Variants in TRAF5 observed in about 807,000 individuals in gnomAD.
The protein encoded by TRAF5 is TNF receptor associated factor 5, also known as TNF receptor-associated factor 5.
In TRAF5, 48 loss-of-function variants were observed where a neutral mutation model predicts 64.5. The observed-to-expected ratio is 0.74, with a 90% CI of 0.59 to 0.95. TRAF5 has a LOEUF of 0.95. Ranked by LOEUF, TRAF5 falls within the 40% of genes least tolerant of loss-of-function variation. The pLI is 0.00. For missense variants in TRAF5, 545 were observed against 662.8 expected, an observed-to-expected ratio of 0.82 and a Z score of 1.95; for synonymous variants, 206 against 240.5, an observed-to-expected ratio of 0.86 and a Z score of 1.33.
chr1:211,345,076 GCCCA>G (rs1702561504), intron 1 of TRAF5, among the ~76,000 whole-genome samples: 1 of 152,136 alleles, frequency 6.6e-6, no homozygotes, highest in Non-Finnish European at 1.5e-5. Flanking sequence ...GCGCCACCAT[GCCCA>G]GCTAATTTGT....
intron 2 of TRAF5, among the ~76,000 whole-genome samples, chr1:211,353,912 T>C (rs915704041): frequency 6.6e-6 from 1 of 152,176 alleles, no homozygotes; most frequent in South Asian, 2.1e-4. Flanking sequence ...CCAGGAGAGA[T>C]GTGGAAGCAG....
chr1:211,352,795 C>T (rs947122072), intron 1 of TRAF5, among the ~76,000 whole-genome samples: 1 of 152,088 alleles, frequency 6.6e-6, no homozygotes, highest in Non-Finnish European at 1.5e-5. Context: ...TCTGTGCTTC[C>T]AAGATGGTGA....
chr1:211,353,313 T>C lies in TRAF5; in HGVS notation c.74T>C (p.Leu25Ser). The C allele has an allele frequency of 6.2e-7, 1 of 1,614,246 alleles. No individual in the cohort carries two copies. Among genetic ancestry groups the C allele is most frequent in the South Asian group, 1.1e-5 (1 of 91,084 alleles). Residue 25 changes from leucine to serine, a missense_variant, in exon 2 of 11, where the codon TTG becomes TCG. Transcript: ENST00000261464. The stretch of plus-strand genomic sequence containing the variant: ...CAGAATTCCGGCAACTCCATTTCCT[T>C]GGACTTTGAGCCCAGTATAGAGTAC... ...IRQNSGNSISLDFEPSIEYQF... is the reference protein window; with the variant it reads ...IRQNSGNSISSDFEPSIEYQF...
intron 1 of TRAF5, among the ~76,000 whole-genome samples, chr1:211,351,251 C>T (rs1016163190): frequency 6.6e-6 from 1 of 152,016 alleles, no homozygotes; most frequent in Non-Finnish European, 1.5e-5. Context: ...TGGTCTCTAT[C>T]TCCTGACCTC....
At chr1:211,343,685 G>A (rs1177431941) in intron 1 of TRAF5, among the ~76,000 whole-genome samples, 1 of 152,114 alleles carries the variant, frequency 6.6e-6, no homozygotes, top group Non-Finnish European at 1.5e-5. Flanking sequence ...TCCAGCCTTA[G>A]GCTCCATTCA....
intron 1 of TRAF5, among the ~76,000 whole-genome samples, chr1:211,345,623 T>G (rs1046479046): frequency 7.9e-5 from 12 of 152,336 alleles, no homozygotes; most frequent in African/African-American, 2.2e-4. Context: ...TGGGTGGGTT[T>G]GGGGAATAAC....
chr1:211,327,083 C>A (rs181451167), intron 1 of TRAF5, among the ~76,000 whole-genome samples, 194 bp downstream of exon 1: 2,408 of 152,064 alleles, frequency 0.016, 54 homozygotes, highest in African/African-American at 0.055. Flanking sequence ...CCCGGGCTTG[C>A]GGGAGACCGG....
intron 1 of TRAF5, among the ~76,000 whole-genome samples, chr1:211,328,345 T>C (rs552459007): frequency 5.3e-5 from 8 of 152,356 alleles, no homozygotes; most frequent in Non-Finnish European, 8.8e-5. Flanking sequence ...GTTGTAACTC[T>C]ATGGAATGGA....
At chr1:211,365,531 A>C in intron 8 of TRAF5, 63 bp downstream of exon 8, 1 of 1,300,414 alleles carries the variant, frequency 7.7e-7, no homozygotes, top group Non-Finnish European at 1.1e-6. Flanking sequence ...TACCTGCTCT[A>C]TGCTGGTATT....
chr1:211,343,419 G>A (rs1475730664), intron 1 of TRAF5, among the ~76,000 whole-genome samples: 1 of 151,968 alleles, frequency 6.6e-6, no homozygotes, highest in East Asian at 1.9e-4. Flanking sequence ...AAAAAAAGGG[G>A]AATAATGATA....
In TRAF5 at chr1:211,372,616, T is replaced by C; in HGVS notation, c.1588T>C (p.Leu530=). 6.2e-7 allele frequency: 1 copy of C among 1,614,142 alleles called. No individual in the cohort carries two copies. Among genetic ancestry groups the C allele is most frequent in the East Asian group, 2.2e-5 (1 of 44,882 alleles). The part of the protein sequence containing the change: ...GCPRFVAHSV[L]ENAKNAYIKD... ...TCCCCGCTTTGTGGCTCATTCTGTT[T>C]TGGAGAATGCCAAGAACGCCTACAT... The change falls in exon 11 of 11, where the codon TTG becomes CTG. Residue 530 remains leucine (L), a synonymous_variant. Coordinates refer to ENST00000261464, the MANE Select transcript of TRAF5 (RefSeq NM_001033910.3).
In TRAF5 at chr1:211,369,577, C is replaced by T. The variant is rs978131073; in HGVS notation, c.915C>T (p.Phe305=). Residue 305 remains phenylalanine, a synonymous_variant, in exon 9 of 11, where the codon TTC becomes TTT. Coordinates refer to ENST00000261464, the MANE Select transcript of TRAF5 (RefSeq NM_001033910.3). ...FAQLFGKNGS[F]LPNIQVFASH... Reference sequence around the variant, plus strand: ...AGTTGTTTGGCAAAAATGGAAGCTTCCTCCCAAACATCCAGGTAAGAAATG... The same window carrying T: ...AGTTGTTTGGCAAAAATGGAAGCTTTCTCCCAAACATCCAGGTAAGAAATG... 5 of 1,590,690 alleles carry T rather than the reference C, an allele frequency of 3.1e-6. No individual in the cohort carries two copies. The highest frequency in any genetic ancestry group is 4.3e-6 in the Non-Finnish European group (5 of 1,171,570).
rs569906652 is a variant in TRAF5 at position 211,340,417 on chromosome 1, T to C, written c.-1-12822T>C. 1.6e-4 allele frequency among the ~76,000 whole-genome samples: 24 copies of C among 152,314 alleles called. No individual in the cohort carries two copies. In the South Asian group the frequency reaches 4.4e-3, roughly 28 times the overall value. On this transcript the variant is annotated intron_variant, in intron 1 of 10. Coordinates refer to ENST00000261464, the MANE Select transcript of TRAF5 (RefSeq NM_001033910.3). ...CTCCTGCCTCAGCCTCCCGAGTAGC[T>C]GGGATTACAGGTGTGCACCACCACG...
chr1:211,347,107 C>T (rs1029627336), intron 1 of TRAF5, among the ~76,000 whole-genome samples: 2 of 151,760 alleles, frequency 1.3e-5, no homozygotes, highest in Non-Finnish European at 2.9e-5. Flanking sequence ...TTTTTCCTGA[C>T]TTGCAAGAAC....
chr1:211,348,878 G>T (rs868672376), intron 1 of TRAF5, among the ~76,000 whole-genome samples: 2 of 151,776 alleles, frequency 1.3e-5, no homozygotes, highest in Non-Finnish European at 2.9e-5. Flanking sequence ...CCATCCTATG[G>T]ATCTTTGGCT....
In TRAF5 at chr1:211,372,160, A is replaced by G. The variant is rs1703552390; in HGVS notation, c.1132A>G (p.Thr378Ala). ...VLEEETNKHD[T>A]HINIHKAQLS... ...AGAAGAGGAAACTAACAAACATGAT[A>G]CCCACATTAATATTCATAAAGCACA... Residue 378 changes from threonine to alanine, a missense_variant, in exon 11 of 11, where the codon ACC becomes GCC. Physicochemically the swap from Thr to Ala is moderately conservative, Grantham distance 58. Transcript: ENST00000261464. 6.2e-7 allele frequency: 1 copy of G among 1,608,192 alleles called. No homozygotes were observed. The highest frequency in any genetic ancestry group is 8.5e-7 in the Non-Finnish European group (1 of 1,177,254).
intron 7 of TRAF5, among the ~76,000 whole-genome samples, 157 bp downstream of exon 7, chr1:211,361,319 A>G (rs1703172522): frequency 6.6e-6 from 1 of 152,188 alleles, no homozygotes; most frequent in African/African-American, 2.4e-5. Flanking sequence ...AACAGAACCA[A>G]TGGGATATAT....
intron 1 of TRAF5, among the ~76,000 whole-genome samples, chr1:211,336,682 C>T (rs777510389): frequency 5.3e-5 from 8 of 152,286 alleles, no homozygotes; most frequent in East Asian, 1.9e-4. Context: ...TGTTTTGAGA[C>T]GGAGTCTTGC....
In TRAF5 at chr1:211,364,439, C is replaced by A. The variant is rs1404348185; in HGVS notation, c.697-937C>A. ...CTGTGGCTCATGCCTGTAATCCCAG[C>A]ACTTTGGGAGGCCAAGGCAGGTAGA... On this transcript the variant is annotated intron_variant, in intron 7 of 10. Transcript: ENST00000261464. Among the ~76,000 whole-genome samples the A allele has an allele frequency of 3.3e-5, 5 of 152,288 alleles. No individual in the cohort carries two copies. The East Asian group carries it at 7.7e-4, about 24-fold the overall frequency.
Sources: allele counts gnomAD v4.1 joint callset (sites outside exome capture counted in the v4.1 genomes callset), GRCh38; gene constraint gnomAD v4.1.1; transcripts MANE v1.5; gene names NCBI Gene and HGNC (gene_info 2026-07-23, HGNC 2026-07-21).